PDE4A: variants seen among roughly 807,000 people sequenced by gnomAD.
PDE4A encodes the protein 3',5'-cyclic-AMP phosphodiesterase 4A.
PDE4A carries 21 observed loss-of-function variants against 73.9 expected under a neutral mutation model. That is an observed-to-expected ratio of 0.28 (90% CI 0.20 to 0.41). PDE4A has a LOEUF of 0.41. Ranked by LOEUF, PDE4A falls within the 10% of genes least tolerant of loss-of-function variation. PDE4A has a pLI of 1.00. For synonymous variants in PDE4A, 463 were observed against 505.4 expected, an observed-to-expected ratio of 0.92 and a Z score of 1.13; for missense variants, 958 against 1,211.4, an observed-to-expected ratio of 0.79 and a Z score of 3.10.
intron 1 of PDE4A, among the ~76,000 whole-genome samples, chr19:10,443,074 G>GA (rs2145511951): frequency 6.6e-6 from 1 of 151,998 alleles, no homozygotes; most frequent in Non-Finnish European, 1.5e-5. Context: ...AGCCACTCCC[G>GA]AGGCTTAGGT....
intron 6 of PDE4A, among the ~76,000 whole-genome samples, chr19:10,454,281 C>G (rs1407395533): frequency 6.6e-6 from 1 of 152,192 alleles, no homozygotes; most frequent in Non-Finnish European, 1.5e-5. Context: ...CAGAGCTTGG[C>G]TACCACGTTC....
In PDE4A at chr19:10,467,367, G is replaced by T. The variant is rs200409316; in HGVS notation, c.2407G>T (p.Val803Leu). 1 of 1,614,068 alleles carries T rather than the reference G, an allele frequency of 6.2e-7. No homozygotes were observed. The highest frequency in any genetic ancestry group is 1.3e-5 in the African/African-American group (1 of 74,938). The change falls in exon 15 of 15, where the codon GTG (valine) becomes TTG (leucine). Residue 803 changes from valine to leucine, a missense_variant. Transcript: ENST00000380702. Reference protein sequence around the residue: ...PDEFSSREEFVVAVSHSSPSA... With the variant: ...PDEFSSREEFLVAVSHSSPSA... ...TGAGTTCTCGTCCCGGGAGGAATTC[G>T]TGGTTGCTGTAAGCCACAGCAGCCC...
At chr19:10,439,131 C>T (rs746318334) in intron 1 of PDE4A, among the ~76,000 whole-genome samples, 9 of 151,922 alleles carry the variant, frequency 5.9e-5, no homozygotes, top group Non-Finnish European at 1.2e-4. Context: ...AGTGGGATTG[C>T]GCGGTTGTGT....
intron 1 of PDE4A, chr19:10,430,708 C>G (rs539820608): frequency 0.015 from 2,876 of 198,334 alleles, 19 homozygotes; most frequent in Non-Finnish European, 0.021. Context: ...GCGGCTCCAG[C>G]GCGAAGCCGG....
intron 1 of PDE4A, among the ~76,000 whole-genome samples, chr19:10,433,328 A>G (rs1270075182): frequency 6.6e-6 from 1 of 152,106 alleles, no homozygotes; most frequent in Non-Finnish European, 1.5e-5. Flanking sequence ...ATCCTCGTCT[A>G]CACTGCGTTC....
chr19:10,418,950 C>T (rs1286567431), upstream of PDE4A: 2 of 985,014 alleles, frequency 2.0e-6, no homozygotes, highest in African/African-American at 3.5e-5. Flanking sequence ...CCTTGGAATA[C>T]CCGGCGGCTG....
chr19:10,422,287 T>C (rs1599396193), intron 1 of PDE4A, among the ~76,000 whole-genome samples: 1 of 152,132 alleles, frequency 6.6e-6, no homozygotes, highest in South Asian at 2.1e-4. Flanking sequence ...TTGGACACTG[T>C]GATTGAAACA....
intron 1 of PDE4A, among the ~76,000 whole-genome samples, chr19:10,434,444 G>GT (rs1368739852): frequency 1.3e-5 from 2 of 152,168 alleles, no homozygotes; most frequent in East Asian, 3.9e-4. Context: ...CTGGCCCTAA[G>GT]TGATCCATCC....
chr19:10,465,421 T>C (rs1029146622), intron 14 of PDE4A, among the ~76,000 whole-genome samples: 4 of 151,724 alleles, frequency 2.6e-5, no homozygotes, highest in Non-Finnish European at 5.9e-5. Context: ...TGTTTCTCCA[T>C]GTTGGTCAGG....
intron 1 of PDE4A, chr19:10,427,696 T>C: frequency 1.0e-6 from 1 of 959,446 alleles, no homozygotes; most frequent in Non-Finnish European, 1.2e-6. Context: ...TGGGAGACCC[T>C]AGCCAAGTCA....
chr19:10,440,118 G>A (rs2042917989), intron 1 of PDE4A, among the ~76,000 whole-genome samples: 1 of 150,386 alleles, frequency 6.6e-6, no homozygotes, highest in African/African-American at 2.4e-5. Context: ...CCAAGTACCT[G>A]GGATTATAGG....
intron 6 of PDE4A, among the ~76,000 whole-genome samples, chr19:10,452,689 T>G (rs1282288994): frequency 6.6e-6 from 1 of 151,992 alleles, no homozygotes; most frequent in Non-Finnish European, 1.5e-5. Context: ...AAGTGTCAAG[T>G]GCCTGGATGT....
At chr19:10,417,333 A>G, upstream of PDE4A, 2 of 985,112 alleles carry the variant, frequency 2.0e-6, no homozygotes, top group Non-Finnish European at 2.4e-6. Context: ...GGGCCCTCTT[A>G]GACGTGGAGG....
At chr19:10,461,326 G>C in intron 11 of PDE4A, 200 bp from the exon 12 acceptor site, 1 of 914,518 alleles carries the variant, frequency 1.1e-6, no homozygotes, top group Non-Finnish European at 1.3e-6. Flanking sequence ...GCTGGAAAGG[G>C]GATGAACGGG....
intron 6 of PDE4A, among the ~76,000 whole-genome samples, chr19:10,452,486 GTGTGGGTCTGGA>G (rs1206059425): frequency 5.9e-5 from 9 of 151,642 alleles, no homozygotes; most frequent in African/African-American, 1.2e-4. Flanking sequence ...CTGTCTATAG[GTGTGGGTCTGGA>G]TGTGGGTCTG....
chr19:10,431,006 C>G lies in PDE4A; in HGVS notation c.320+9922C>G, dbSNP rs1477646421. The G allele has an allele frequency of 3.8e-6, 6 of 1,578,026 alleles. No individual in the cohort carries two copies. In the African/African-American group the frequency reaches 6.9e-5, roughly 18 times the overall value. On this transcript the variant is annotated intron_variant, in intron 1 of 14. Transcript: ENST00000380702. ...CCTCCTCGCCCGTCTTCTTCGCCAG[C>G]CCGTCCCCAACTTTCCGCAGACGCC...
At chr19:10,420,478 G>C (rs2042634043), upstream of PDE4A, 1 of 840,792 alleles carries the variant, frequency 1.2e-6, no homozygotes, top group Non-Finnish European at 1.4e-6. This position sits in a 1 kb window ranked among gnomAD's most constrained non-coding sequence, Gnocchi z 6.0. Context: ...GGGCGGGACG[G>C]GGCGGAGGAG....
At chr19:10,456,068 C>T (rs181452544) in intron 7 of PDE4A, among the ~76,000 whole-genome samples, 1 of 151,544 alleles carries the variant, frequency 6.6e-6, no homozygotes, top group African/African-American at 2.4e-5. Context: ...ATGTTAGAAC[C>T]CTAATCTCTA....
At chr19:10,423,033 C>T in intron 1 of PDE4A, 1 of 861,098 alleles carries the variant, frequency 1.2e-6, no homozygotes, top group Non-Finnish European at 1.4e-6. Flanking sequence ...CGCAATGGCT[C>T]ACCCTCCGGC....
Sources: allele counts gnomAD v4.1 joint callset (sites outside exome capture counted in the v4.1 genomes callset), GRCh38; gene constraint gnomAD v4.1.1; non-coding constraint Gnocchi (gnomAD v3.1); transcripts MANE v1.5; gene names NCBI Gene and HGNC (gene_info 2026-07-23, HGNC 2026-07-21).